Variants in GPI observed in about 807,000 individuals in gnomAD.
GPI encodes glucose-6-phosphate isomerase.
Under a neutral mutation model 75.8 loss-of-function variants are expected in GPI, and 56 were observed. The observed-to-expected ratio is 0.74, with a 90% CI of 0.60 to 0.92. GPI has a LOEUF of 0.92. Among genes scored for constraint, GPI ranks in the 40% least tolerant of loss-of-function variants. The pLI is 0.00. For synonymous variants in GPI, 288 were observed against 285.4 expected, an observed-to-expected ratio of 1.01 and a Z score of -0.09; for missense variants, 638 against 741.0, an observed-to-expected ratio of 0.86 and a Z score of 1.61.
In GPI at chr19:34,393,182, T is replaced by C; in HGVS notation, c.805-66T>C. 4 of 1,279,180 alleles carry C rather than the reference T, an allele frequency of 3.1e-6. No individual in the cohort carries two copies. The highest frequency in any genetic ancestry group is 4.6e-6 in the Non-Finnish European group (4 of 875,252). The allele number at this position is 1,279,180 out of a possible 1,614,324, so 79.2% of individuals were successfully genotyped here. A position where few individuals can be genotyped will look rare whatever the true frequency, so the allele number is the denominator to read the frequency against. ...CCCTGTGCAAGACCAGGGACAGGGT[T>C]TCCGGCAGGAGGTGGGGGGCGGGGT... On this transcript the variant is annotated intron_variant, in intron 9 of 17. Coordinates refer to ENST00000356487, the MANE Select transcript of GPI (RefSeq NM_000175.5). The surrounding 1 kb of genome is among the most constrained non-coding windows in gnomAD (Gnocchi z 4.4).
chr19:34,396,741 A>G, intron 14 of GPI, 84 bp downstream of exon 14: 1 of 1,031,326 alleles, frequency 9.7e-7, no homozygotes, highest in South Asian at 1.3e-5. Context: ...TTGGTTGGCA[A>G]TCACGTTAGT....
intron 8 of GPI, 71 bp from the exon 9 acceptor site, chr19:34,381,395 C>T (rs2074648903): frequency 4.9e-6 from 5 of 1,012,986 alleles, no homozygotes; most frequent in African/African-American, 1.6e-5. Flanking sequence ...CCCTGCCTCC[C>T]GGAGCTCCTG....
intron 16 of GPI, 22 bp downstream of exon 16, chr19:34,399,653 C>T (rs2074993474): frequency 1.2e-6 from 2 of 1,613,728 alleles, no homozygotes; most frequent in Admixed American, 1.7e-5. Context: ...GGGGAAAGGT[C>T]CTGGCTTGGG....
At chr19:34,382,937 G>A (rs1292571111) in intron 9 of GPI, among the ~76,000 whole-genome samples, 1 of 152,154 alleles carries the variant, frequency 6.6e-6, no homozygotes, top group Non-Finnish European at 1.5e-5. Flanking sequence ...GCTGAATCAA[G>A]AAGGTGATAT....
intron 4 of GPI, among the ~76,000 whole-genome samples, chr19:34,369,786 G>A (rs1325346055): frequency 1.3e-5 from 2 of 151,908 alleles, no homozygotes; most frequent in South Asian, 2.1e-4. Context: ...GTAGCCAGGC[G>A]CAGCAGCTCA....
At chr19:34,376,156 G>T (rs1318398889) in intron 4 of GPI, among the ~76,000 whole-genome samples, 1 of 152,202 alleles carries the variant, frequency 6.6e-6, no homozygotes, top group African/African-American at 2.4e-5. Flanking sequence ...TTGTGTAGTG[G>T]CTCACGCCTG....
rs1246572723 is a variant in GPI, at chr19:34,393,211, C to G, written c.805-37C>G. The G allele has an allele frequency of 6.5e-7, 1 of 1,531,790 alleles. No individual in the cohort carries two copies. The highest frequency in any genetic ancestry group is 9.0e-7 in the Non-Finnish European group (1 of 1,105,368). The allele number at this position is 1,531,790 out of a possible 1,614,324, so 94.9% of individuals were successfully genotyped here. ...GGCAGGAGGTGGGGGGCGGGGTGTG[C>G]CGGCCCTCCCTCAGCACCTTGTCCT... On this transcript the variant is annotated intron_variant, in intron 9 of 17. Transcript: ENST00000356487. The surrounding 1 kb of genome is among the most constrained non-coding windows in gnomAD (Gnocchi z 4.4).
chr19:34,377,352 T>C lies in GPI; in HGVS notation c.403-151T>C. 3 of 237,484 alleles carry C rather than the reference T, an allele frequency of 1.3e-5. No homozygotes were observed. The Admixed American group carries it at 1.8e-4, about 14-fold the overall frequency. 14.7% of individuals were successfully genotyped at this position (237,484 alleles called of 1,614,324 possible). A position where few individuals can be genotyped will look rare whatever the true frequency, so the allele number is the denominator to read the frequency against. On this transcript the variant is annotated intron_variant, in intron 4 of 17. Transcript: ENST00000356487. ...AAAAAAAAAAATATATATATATATA[T>C]ATATATGGTAAATTAAAAACAAAAA...
intron 8 of GPI, 73 bp downstream of exon 8, chr19:34,379,635 G>A: frequency 8.0e-7 from 1 of 1,243,464 alleles, no homozygotes; most frequent in African/African-American, 1.5e-5. Flanking sequence ...GCCTCTCAGA[G>A]ACGCGGTTCG....
In GPI at chr19:34,365,243, C is replaced by G. The variant is rs915385692; in HGVS notation, c.-24C>G. 2 of 1,527,526 alleles carry G rather than the reference C, an allele frequency of 1.3e-6. No homozygotes were observed. The highest frequency in any genetic ancestry group is 8.8e-7 in the Non-Finnish European group (1 of 1,139,806). The allele number at this position is 1,527,526 out of a possible 1,614,324, so 94.6% of individuals were successfully genotyped here. A position where few individuals can be genotyped will look rare whatever the true frequency, so the allele number is the denominator to read the frequency against. ...TCCTTCCTCCTCGGCTCGCGTCTCA[C>G]TCAGTGTACCTTCTAGTCCCGCCAT... On this transcript the variant is annotated 5_prime_UTR_variant, in exon 1 of 18. Transcript: ENST00000356487.
intron 8 of GPI, chr19:34,380,854 G>C (rs2074639014): frequency 5.4e-6 from 1 of 185,708 alleles, no homozygotes; most frequent in African/African-American, 2.4e-5. Context: ...ACGCCATAAG[G>C]CTGGCTAACC....
At chr19:34,366,105 CCT>C (rs2074359818) in intron 1 of GPI, 1 of 690,204 alleles carries the variant, frequency 1.4e-6, no homozygotes, top group Admixed American at 2.0e-5. Flanking sequence ...AGTCCGGGCT[CCT>C]CATCCAGGGT....
At position 34,401,029 on chromosome 19, in the gene GPI, T is replaced by G. The variant is rs2145441684; in HGVS notation, c.*993T>G. 7.2e-6 allele frequency: 1 copy of G among 139,852 alleles called. No homozygotes were observed. Among genetic ancestry groups the G allele is most frequent in the South Asian group, 2.2e-4 (1 of 4,616 alleles). 8.7% of individuals were successfully genotyped at this position (139,852 alleles called of 1,614,324 possible). A position where few individuals can be genotyped will look rare whatever the true frequency, so the allele number is the denominator to read the frequency against. The stretch of plus-strand genomic sequence containing the variant: ...GTATGAGCCACCACGCCCGGCCCAT[T>G]TTTTTTTTTTTTTTGACAACTTTTT... On this transcript the variant is annotated 3_prime_UTR_variant, in exon 18 of 18. Coordinates refer to ENST00000356487, the MANE Select transcript of GPI (RefSeq NM_000175.5).
intron 9 of GPI, among the ~76,000 whole-genome samples, chr19:34,382,034 C>CT (rs2074662106): frequency 6.6e-6 from 1 of 152,164 alleles, no homozygotes; most frequent in African/African-American, 2.4e-5. Flanking sequence ...GCCGACCCCT[C>CT]TGTAGCAACA....
In GPI at chr19:34,365,236, C is replaced by T. The variant is rs977657435; in HGVS notation, c.-31C>T. 2 of 1,485,844 alleles carry T rather than the reference C, an allele frequency of 1.3e-6. No homozygotes were observed. Among genetic ancestry groups the T allele is most frequent in the South Asian group, 1.3e-5 (1 of 74,620 alleles). The allele number at this position is 1,485,844 out of a possible 1,614,324, so 92.0% of individuals were successfully genotyped here. ...CCGGCGCTCCTTCCTCCTCGGCTCG[C>T]GTCTCACTCAGTGTACCTTCTAGTC... On this transcript the variant is annotated 5_prime_UTR_variant, in exon 1 of 18. Coordinates refer to ENST00000356487, the MANE Select transcript of GPI (RefSeq NM_000175.5).
Position 34,365,231 on chromosome 19 carries a change from G to C in GPI, c.-36G>C, listed in dbSNP as rs764796276. ...CGCTGCCGGCGCTCCTTCCTCCTCG[G>C]CTCGCGTCTCACTCAGTGTACCTTC... On this transcript the variant is annotated 5_prime_UTR_variant, in exon 1 of 18. Transcript: ENST00000356487. 38 of 1,463,438 alleles carry C rather than the reference G, an allele frequency of 2.6e-5. No individual in the cohort carries two copies. In the African/African-American group the frequency reaches 3.6e-4, roughly 14 times the overall value. 90.7% of individuals were successfully genotyped at this position (1,463,438 alleles called of 1,614,324 possible).
At chr19:34,376,050 T>C (rs1191676295) in intron 4 of GPI, among the ~76,000 whole-genome samples, 1 of 152,222 alleles carries the variant, frequency 6.6e-6, no homozygotes, top group Non-Finnish European at 1.5e-5. Flanking sequence ...ACAGTGTCGC[T>C]GTAAGGTAGG....
chr19:34,389,748 C>T (rs961061007), intron 9 of GPI, among the ~76,000 whole-genome samples: 1 of 152,150 alleles, frequency 6.6e-6, no homozygotes, highest in African/African-American at 2.4e-5. Flanking sequence ...GTCAAGTACC[C>T]CTCAGGTTCC....
At chr19:34,365,551 C>T in intron 1 of GPI, 163 bp downstream of exon 1, 1 of 1,181,748 alleles carries the variant, frequency 8.5e-7, no homozygotes, top group Non-Finnish European at 1.2e-6. Flanking sequence ...TCCTTGGAGT[C>T]TCCTTGGAGT....
Sources: allele counts gnomAD v4.1 joint callset (sites outside exome capture counted in the v4.1 genomes callset), GRCh38; gene constraint gnomAD v4.1.1; non-coding constraint Gnocchi (gnomAD v3.1); transcripts MANE v1.5; gene names NCBI Gene and HGNC (gene_info 2026-07-23, HGNC 2026-07-21).